CCDC3: variants seen among roughly 807,000 people sequenced by gnomAD.
CCDC3 encodes the protein coiled-coil domain containing 3.
CCDC3 carries 24 observed loss-of-function variants against 21.4 expected under a neutral mutation model. That is an observed-to-expected ratio of 1.12 (90% confidence interval 0.81 to 1.58). CCDC3 has a LOEUF of 1.58. CCDC3 is among the 40% of genes most tolerant of loss of function. The pLI is 0.00. For synonymous variants in CCDC3, 186 were observed against 166.0 expected (o/e 1.12, Z -0.93); for missense variants, 425 against 360.9 (o/e 1.18, Z -1.44).
At chr10:13,042,906 C>CAAAA (rs55911312) in intron 5 of CCDC3, among the ~76,000 whole-genome samples, 24 of 100,354 alleles carry the variant, frequency 2.4e-4, no homozygotes, top group African/African-American at 4.6e-4. Context: ...GAGACTGTCT[C>CAAAA]AAAAAAAAAA....
chr10:13,084,345 G>A (rs1266051709), intron 3 of CCDC3, among the ~76,000 whole-genome samples: 1 of 148,270 alleles, frequency 6.7e-6, no homozygotes, highest in African/African-American at 2.5e-5. Flanking sequence ...GAATGCAATG[G>A]CACAATCTCT....
chr10:13,097,487 G>T, intron 3 of CCDC3, among the ~76,000 whole-genome samples: 1 of 152,216 alleles, frequency 6.6e-6, no homozygotes, highest in East Asian at 1.9e-4. Flanking sequence ...ACTTTGGAAG[G>T]CCGAGGCAGG....
At chr10:13,083,350 G>A (rs1837065540) in intron 3 of CCDC3, among the ~76,000 whole-genome samples, 1 of 152,144 alleles carries the variant, frequency 6.6e-6, no homozygotes, top group Non-Finnish European at 1.5e-5. Flanking sequence ...AGTTTGCAGA[G>A]GAAAAAACTA....
At chr10:13,078,491 C>T (rs1297758373) in intron 3 of CCDC3, among the ~76,000 whole-genome samples, 1 of 152,184 alleles carries the variant, frequency 6.6e-6, no homozygotes, top group Non-Finnish European at 1.5e-5. Context: ...ACCATTTAAC[C>T]AAGCAATCCC....
chr10:12,976,458 G>A (rs1835419398), intron 2 of CCDC3, among the ~76,000 whole-genome samples: 1 of 152,136 alleles, frequency 6.6e-6, no homozygotes, highest in South Asian at 2.1e-4. Flanking sequence ...GAGGGCTGAG[G>A]AGCTGGGTGG....
intron 1 of CCDC3, among the ~76,000 whole-genome samples, chr10:12,999,506 A>G (rs1835814212): frequency 6.6e-6 from 1 of 152,220 alleles, no homozygotes; most frequent in African/African-American, 2.4e-5. Context: ...CACCCCTGAC[A>G]GTGACCACAG....
At chr10:12,989,991 G>T (rs1365674621) in intron 2 of CCDC3, among the ~76,000 whole-genome samples, 1 of 151,590 alleles carries the variant, frequency 6.6e-6, no homozygotes, top group Non-Finnish European at 1.5e-5. Context: ...AGTGGCTCAC[G>T]CCTGTAATAC....
intron 2 of CCDC3, among the ~76,000 whole-genome samples, chr10:12,916,002 G>T (rs927097707): frequency 6.6e-6 from 1 of 152,076 alleles, no homozygotes; most frequent in South Asian, 2.1e-4. Flanking sequence ...GTTCACAGTG[G>T]ATGGTCCTGG....
intron 2 of CCDC3, among the ~76,000 whole-genome samples, chr10:12,936,076 T>C (rs777518029): frequency 2.0e-5 from 3 of 152,246 alleles, no homozygotes; most frequent in East Asian, 1.9e-4. Context: ...CATTTTTGTA[T>C]GTAGATCCAA....
intron 2 of CCDC3, among the ~76,000 whole-genome samples, chr10:12,902,902 C>T (rs908645186): frequency 3.3e-5 from 5 of 152,154 alleles, no homozygotes; most frequent in Admixed American, 2.6e-4. Context: ...CCTTGAAGTG[C>T]ATCTGTGTGT....
chr10:13,081,335 C>T (rs932695122), intron 3 of CCDC3, among the ~76,000 whole-genome samples: 2 of 152,176 alleles, frequency 1.3e-5, no homozygotes, highest in Non-Finnish European at 2.9e-5. Context: ...CCTAGAATTT[C>T]CAGTACACCA....
intron 4 of CCDC3, among the ~76,000 whole-genome samples, chr10:13,057,421 T>C (rs2065678): frequency 0.38 from 58,275 of 151,848 alleles, 11,418 homozygotes; most frequent in East Asian, 0.52. Context: ...TGAAGCCACA[T>C]AAACACATCG....
At chr10:12,956,618 G>A (rs373715420) in intron 2 of CCDC3, among the ~76,000 whole-genome samples, 5 of 152,170 alleles carry the variant, frequency 3.3e-5, no homozygotes, top group African/African-American at 7.2e-5. Context: ...GGTTTATCCC[G>A]GGCAGGTAAT....
At chr10:13,057,602 G>T (rs914177393) in intron 4 of CCDC3, among the ~76,000 whole-genome samples, 1 of 151,802 alleles carries the variant, frequency 6.6e-6, no homozygotes, top group Admixed American at 6.6e-5. Flanking sequence ...TGGTTTGACC[G>T]GGCGCGGGGG....
chr10:12,936,151 G>A (rs1834734063), intron 2 of CCDC3, among the ~76,000 whole-genome samples: 1 of 152,062 alleles, frequency 6.6e-6, no homozygotes, highest in Admixed American at 6.6e-5. Flanking sequence ...TGCAATGCAG[G>A]TTTACGGTCC....
chr10:12,906,719 A>G (rs1284327246), intron 2 of CCDC3, among the ~76,000 whole-genome samples: 1 of 152,138 alleles, frequency 6.6e-6, no homozygotes, highest in Non-Finnish European at 1.5e-5. Context: ...CAATGGGCCT[A>G]ATAAAGCCTC....
intron 2 of CCDC3, among the ~76,000 whole-genome samples, chr10:12,960,541 C>T (rs1219046163): frequency 6.6e-6 from 1 of 152,182 alleles, no homozygotes; most frequent in African/African-American, 2.4e-5. Flanking sequence ...GTTGGGTAAA[C>T]AGACCGAAGC....
chr10:12,992,128 A>T (rs1048036441), intron 2 of CCDC3, among the ~76,000 whole-genome samples: 3 of 152,026 alleles, frequency 2.0e-5, no homozygotes, highest in African/African-American at 7.2e-5. Context: ...AGTGGCTCAC[A>T]CCTATAATCC....
At chr10:13,088,863 A>C (rs1209148900) in intron 3 of CCDC3, among the ~76,000 whole-genome samples, 1 of 152,164 alleles carries the variant, frequency 6.6e-6, no homozygotes, top group East Asian at 1.9e-4. Context: ...TAAAAATACC[A>C]AAATTAGTCA....
Sources: allele counts gnomAD v4.1 joint callset (sites outside exome capture counted in the v4.1 genomes callset), GRCh38; gene constraint gnomAD v4.1.1; transcripts MANE v1.5; gene names NCBI Gene and HGNC (gene_info 2026-07-23, HGNC 2026-07-21).